CRYL1: variants seen among roughly 807,000 people sequenced by gnomAD.
CRYL1 encodes lambda-crystallin homolog.
Under a neutral mutation model 36.6 loss-of-function variants are expected in CRYL1, and 29 were observed. The ratio of observed to expected loss-of-function variants is 0.79; its 90% CI spans 0.59 to 1.08. The LOEUF (loss-of-function observed/expected upper bound fraction) is 1.08, where lower values mean the gene tolerates loss of function less well. CRYL1 is among the 50% of genes least tolerant of loss of function. The pLI is 0.00. For synonymous variants in CRYL1, 152 were observed against 151.5 expected, an observed-to-expected ratio of 1.00 and a Z score of -0.02; for missense variants, 411 against 407.9, an observed-to-expected ratio of 1.01 and a Z score of -0.06.
chr13:20,512,263 G>A (rs1472650133), intron 2 of CRYL1, among the ~76,000 whole-genome samples, 180 bp downstream of exon 2: 1 of 152,218 alleles, frequency 6.6e-6, no homozygotes, highest in Admixed American at 6.5e-5. Flanking sequence ...CCCTTCCCCA[G>A]TGTGAATTCA....
chr13:20,497,609 A>G (rs1248613757), intron 2 of CRYL1, among the ~76,000 whole-genome samples: 2 of 149,966 alleles, frequency 1.3e-5, no homozygotes, highest in African/African-American at 4.9e-5. Context: ...ACCACACACA[A>G]CTACATACAT....
chr13:20,459,226 A>G (rs1565971158), intron 3 of CRYL1, among the ~76,000 whole-genome samples: 1 of 120,842 alleles, frequency 8.3e-6, no homozygotes, highest in African/African-American at 3.2e-5. Context: ...ACAGAGCGAG[A>G]CTCCATCTCA....
At chr13:20,466,682 CTGTGTG>C (rs57209647) in intron 3 of CRYL1, among the ~76,000 whole-genome samples, 1 of 129,466 alleles carries the variant, frequency 7.7e-6, no homozygotes, top group Non-Finnish European at 1.7e-5. Flanking sequence ...TTGGAAAACT[CTGTGTG>C]TGTGTGTGTG....
In CRYL1 at chr13:20,508,864, AAAAAAAAAAAAC is replaced by A. The variant is rs1287612433; in HGVS notation, c.149+3567_149+3578del. Reference sequence around the variant, plus strand: ...GCGAGACTCCAAAAAAAAAAAAAAAAAAAAAAAAAAACAAAAAAAAAAAACTGACAACAACAA... The same window carrying A: ...GCGAGACTCCAAAAAAAAAAAAAAAAAAAAAAAAAAAACTGACAACAACAA... On this transcript the variant is annotated intron_variant, in intron 2 of 7. Transcript: ENST00000298248. Among the ~76,000 whole-genome samples, 54 of 53,706 alleles carry A rather than the reference AAAAAAAAAAAAC, an allele frequency of 1.0e-3. 6 individuals carry two copies. The highest frequency in any genetic ancestry group is 4.0e-3 in the South Asian group (8 of 2,014). The allele number at this position is 53,706 out of a possible 152,430, so 35.2% of individuals were successfully genotyped here.
chr13:20,470,065 C>T (rs1196721460), intron 3 of CRYL1, among the ~76,000 whole-genome samples: 2 of 152,212 alleles, frequency 1.3e-5, no homozygotes, highest in African/African-American at 2.4e-5. Flanking sequence ...AAGCTACACC[C>T]GTCCTCCCTG....
intron 3 of CRYL1, among the ~76,000 whole-genome samples, chr13:20,476,070 C>G (rs2033161235): frequency 6.6e-6 from 1 of 152,156 alleles, no homozygotes; most frequent in African/African-American, 2.4e-5. Flanking sequence ...GTAGGTCTCT[C>G]AGAGGAAACC....
intron 5 of CRYL1, among the ~76,000 whole-genome samples, chr13:20,423,457 G>C (rs562283432): frequency 3.9e-5 from 6 of 152,142 alleles, no homozygotes; most frequent in Non-Finnish European, 7.4e-5. Context: ...AATTTGAAGA[G>C]AGTTTTATTA....
intron 5 of CRYL1, among the ~76,000 whole-genome samples, chr13:20,429,319 T>C (rs1207459093): frequency 2.0e-5 from 3 of 152,164 alleles, no homozygotes; most frequent in Admixed American, 2.0e-4. Context: ...ATTGAAAGAC[T>C]CCAAAATGCA....
chr13:20,485,661 T>C (rs776142145), intron 3 of CRYL1, among the ~76,000 whole-genome samples: 1 of 135,676 alleles, frequency 7.4e-6, no homozygotes, highest in Admixed American at 7.9e-5. Flanking sequence ...AGAGCCAGAC[T>C]CCATCTCAAA....
intron 1 of CRYL1, among the ~76,000 whole-genome samples, chr13:20,523,271 C>G (rs2034130379): frequency 6.6e-6 from 1 of 151,952 alleles, no homozygotes; most frequent in Admixed American, 6.6e-5. Flanking sequence ...AGCCCTAGGC[C>G]CAAAAGAGTT....
intron 5 of CRYL1, 76 bp downstream of exon 5, chr13:20,432,026 C>G: frequency 6.2e-7 from 1 of 1,609,054 alleles, no homozygotes; most frequent in Non-Finnish European, 8.5e-7. Context: ...CTTTCACTGT[C>G]CTGCTCAACT....
chr13:20,454,071 A>G (rs1296362349), intron 3 of CRYL1, among the ~76,000 whole-genome samples: 1 of 152,224 alleles, frequency 6.6e-6, no homozygotes, highest in Non-Finnish European at 1.5e-5. Flanking sequence ...CCAAACATTT[A>G]AAGAACTACT....
chr13:20,463,915 A>G (rs886657486), intron 3 of CRYL1, among the ~76,000 whole-genome samples: 4 of 152,226 alleles, frequency 2.6e-5, no homozygotes, highest in African/African-American at 7.2e-5. Flanking sequence ...GAACCCTCAA[A>G]AAGAGGCTGC....
intron 1 of CRYL1, among the ~76,000 whole-genome samples, chr13:20,514,737 G>A (rs2033971040): frequency 6.6e-6 from 1 of 152,088 alleles, no homozygotes. Flanking sequence ...AATGTAAGAT[G>A]TTAATAATAG....
intron 3 of CRYL1, among the ~76,000 whole-genome samples, chr13:20,454,192 GA>G (rs905661451): frequency 2.4e-4 from 37 of 151,476 alleles, no homozygotes; most frequent in African/African-American, 7.7e-4. Flanking sequence ...ATTACATGGG[GA>G]AAAAAAATCT....
chr13:20,434,904 G>A (rs760791682), intron 4 of CRYL1, among the ~76,000 whole-genome samples: 2 of 151,532 alleles, frequency 1.3e-5, no homozygotes, highest in Non-Finnish European at 2.9e-5. Context: ...TCAGCTCAGG[G>A]CCCCCGTTTC....
chr13:20,507,794 T>G (rs1450524213), intron 2 of CRYL1, among the ~76,000 whole-genome samples: 3 of 149,266 alleles, frequency 2.0e-5, no homozygotes, highest in Admixed American at 2.0e-4. Flanking sequence ...GGCGAGCACC[T>G]GTAGCCCCAG....
At chr13:20,410,626 A>C (rs529952946) in intron 6 of CRYL1, among the ~76,000 whole-genome samples, 66 of 152,358 alleles carry the variant, frequency 4.3e-4, no homozygotes, top group African/African-American at 1.6e-3. Flanking sequence ...AAAAACCAAA[A>C]ATAAAACAAC....
intron 2 of CRYL1, chr13:20,502,434 C>CCT: frequency 3.9e-5 from 6 of 152,172 alleles, no homozygotes; most frequent in Non-Finnish European, 7.3e-5. Flanking sequence ...GGGTGGATCA[C>CCT]GACATCAGGA....
Sources: gnomAD v4.1 joint callset for allele counts (sites outside exome capture counted in the v4.1 genomes callset) on GRCh38, gnomAD v4.1.1 for gene constraint, MANE v1.5 for transcripts, NCBI Gene and HGNC (gene_info 2026-07-23, HGNC 2026-07-21) for gene names.